The following SIK3 variants were observed in gnomAD, a reference collection of about 807,000 sequenced individuals.
SIK3 encodes the protein SIK family kinase 3, also known as serine/threonine-protein kinase SIK3.
SIK3 carries 28 observed loss-of-function variants against 144.2 expected under a neutral mutation model. The ratio of observed to expected loss-of-function variants is 0.19; its 90% CI spans 0.14 to 0.27. The LOEUF is 0.27. SIK3 is among the 10% of genes least tolerant of loss of function. The probability of loss-of-function intolerance (pLI) is 1.00; values close to 1 mark genes in which losing one functional copy is unlikely to be tolerated. For missense variants in SIK3, 1,319 were observed against 1,776.0 expected, an observed-to-expected ratio of 0.74 and a Z score of 4.62; for synonymous variants, 686 against 676.3, an observed-to-expected ratio of 1.01 and a Z score of -0.22.
intron 15 of SIK3, among the ~76,000 whole-genome samples, chr11:116,865,923 T>C (rs1257765229): frequency 1.3e-5 from 2 of 152,184 alleles, no homozygotes; most frequent in Non-Finnish European, 2.9e-5. Flanking sequence ...CCCCATCTTA[T>C]GCAATTTGCC....
chr11:116,905,721 T>C (rs1330339461), intron 4 of SIK3, among the ~76,000 whole-genome samples: 1 of 152,252 alleles, frequency 6.6e-6, no homozygotes, highest in African/African-American at 2.4e-5. Context: ...GCTAATAATA[T>C]TGAGCATCTT....
intron 11 of SIK3, 121 bp downstream of exon 11, chr11:116,875,037 C>T (rs960313415): frequency 4.2e-6 from 3 of 707,104 alleles, no homozygotes; most frequent in Admixed American, 5.0e-5. Flanking sequence ...GTCCACTTGG[C>T]CACTGGATTA....
intron 1 of SIK3, among the ~76,000 whole-genome samples, chr11:117,027,157 G>A (rs1219038978): frequency 6.6e-6 from 1 of 152,142 alleles, no homozygotes; most frequent in African/African-American, 2.4e-5. Flanking sequence ...AGCTTTAAAT[G>A]CTCAATCTAC....
At chr11:117,028,935 G>T (rs1591568498) in intron 1 of SIK3, among the ~76,000 whole-genome samples, 3 of 132,244 alleles carry the variant, frequency 2.3e-5, no homozygotes, top group African/African-American at 9.3e-5. Context: ...TGTATATTTT[G>T]TTTTTGAGAT....
chr11:117,079,480 G>A (rs182732706), intron 1 of SIK3, among the ~76,000 whole-genome samples: 1 of 152,210 alleles, frequency 6.6e-6, no homozygotes, highest in East Asian at 1.9e-4. Flanking sequence ...ATAAGAGCAA[G>A]GGAAAAACAA....
At chr11:116,977,343 A>C (rs991460494) in intron 1 of SIK3, among the ~76,000 whole-genome samples, 1 of 151,530 alleles carries the variant, frequency 6.6e-6, no homozygotes, top group African/African-American at 2.4e-5. Context: ...AGTCCCACAA[A>C]GTGCTGGGAT....
Position 116,849,418 on chromosome 11 carries a change from C to CCGG in SIK3, c.3656-138_3656-136dup. 9.1e-7 allele frequency: 1 copy of CCGG among 1,098,142 alleles called. No homozygotes were observed. The highest frequency in any genetic ancestry group is 1.3e-6 in the Non-Finnish European group (1 of 770,436). 68.0% of individuals were successfully genotyped at this position (1,098,142 alleles called of 1,614,324 possible). On this transcript the variant is annotated intron_variant, in intron 21 of 24. Coordinates refer to ENST00000445177, the MANE Select transcript of SIK3 (RefSeq NM_001366686.3). This position sits in a 1 kb window ranked among gnomAD's most constrained non-coding sequence, Gnocchi z 4.2. ...ATGTACACCAACCGCTGATCCTCAG[C>CCGG]CGGCGTCATGGCTTAGAGGAGCCTG...
intron 1 of SIK3, among the ~76,000 whole-genome samples, chr11:117,088,031 A>G (rs60079988): frequency 0.021 from 3,160 of 152,212 alleles, 116 homozygotes; most frequent in African/African-American, 0.071. Flanking sequence ...GGAGTTCAAG[A>G]CCAGCCTAGC....
At chr11:117,049,111 T>A (rs907113373) in intron 1 of SIK3, among the ~76,000 whole-genome samples, 1 of 151,796 alleles carries the variant, frequency 6.6e-6, no homozygotes, top group African/African-American at 2.4e-5. Flanking sequence ...TCTCAAAAAA[T>A]TTTTTAAAAA....
At chr11:116,976,760 T>C (rs1949961411) in intron 1 of SIK3, among the ~76,000 whole-genome samples, 1 of 152,244 alleles carries the variant, frequency 6.6e-6, no homozygotes, top group South Asian at 2.1e-4. Flanking sequence ...AATGAAAAGA[T>C]TTCTGATTGT....
At chr11:116,860,012 C>T (rs1258780026) in intron 19 of SIK3, among the ~76,000 whole-genome samples, 1 of 152,072 alleles carries the variant, frequency 6.6e-6, no homozygotes, top group African/African-American at 2.4e-5. Context: ...CTTGGGAGGC[C>T]GAGGTGGGCG....
intron 6 of SIK3, among the ~76,000 whole-genome samples, chr11:116,879,271 TAAC>T (rs1222805131): frequency 3.3e-5 from 5 of 152,258 alleles, no homozygotes; most frequent in East Asian, 3.8e-4. Flanking sequence ...CCAGTGAAAA[TAAC>T]AACAACAGTA....
rs551989938 is a variant in SIK3 at position 116,977,419 on chromosome 11, T to C, written c.274-20355A>G. On this transcript the variant is annotated intron_variant, in intron 1 of 24. Coordinates refer to ENST00000445177, the MANE Select transcript of SIK3 (RefSeq NM_001366686.3). ...GTGAGTTGGGCTCTTCAAAGAAGAA[T>C]AGATACAGGAAGTTCTGGCCCTCGC... Among the ~76,000 whole-genome samples, 6 of 152,254 alleles carry C rather than the reference T, an allele frequency of 3.9e-5. No individual in the cohort carries two copies. In the East Asian group the frequency reaches 5.8e-4, roughly 15 times the overall value.
intron 4 of SIK3, among the ~76,000 whole-genome samples, chr11:116,911,866 A>G (rs7106782): frequency 0.084 from 12,778 of 152,220 alleles, 1,037 homozygotes; most frequent in African/African-American, 0.21. Flanking sequence ...ATTTACTGGC[A>G]ATGGGAAAGA....
intron 4 of SIK3, among the ~76,000 whole-genome samples, chr11:116,913,906 AAAC>A (rs1469654896): frequency 7.8e-6 from 1 of 128,088 alleles, no homozygotes; most frequent in African/African-American, 3.2e-5. Flanking sequence ...ACAAACAAAT[AAAC>A]AAAAAACCAC....
At chr11:116,871,026 C>T (rs1190707707) in intron 13 of SIK3, among the ~76,000 whole-genome samples, 2 of 152,262 alleles carry the variant, frequency 1.3e-5, no homozygotes, top group East Asian at 3.9e-4. Context: ...TCCAGGAAAG[C>T]ATAGTGAATT....
intron 1 of SIK3, among the ~76,000 whole-genome samples, chr11:117,000,476 T>C (rs79523757): frequency 0.025 from 3,744 of 152,342 alleles, 85 homozygotes; most frequent in South Asian, 0.11. Context: ...AGTTCTGTCA[T>C]GAAGCCAAGA....
chr11:117,076,324 C>A (rs1320447534), intron 1 of SIK3, among the ~76,000 whole-genome samples: 1 of 152,074 alleles, frequency 6.6e-6, no homozygotes, highest in African/African-American at 2.4e-5. Flanking sequence ...CACCACAGGA[C>A]CCCAGCAAAT....
intron 1 of SIK3, among the ~76,000 whole-genome samples, chr11:116,970,544 G>T (rs1214805178): frequency 6.6e-6 from 1 of 151,988 alleles, no homozygotes; most frequent in Non-Finnish European, 1.5e-5. Flanking sequence ...TAAAGATGAG[G>T]TCTCACTATA....
Sources: allele counts gnomAD v4.1 joint callset (sites outside exome capture counted in the v4.1 genomes callset), GRCh38; gene constraint gnomAD v4.1.1; non-coding constraint Gnocchi (gnomAD v3.1); transcripts MANE v1.5; gene names NCBI Gene and HGNC (gene_info 2026-07-23, HGNC 2026-07-21).